Variants in ZNF721 observed in about 807,000 individuals in gnomAD.
ZNF721 encodes the protein zinc finger protein 721.
Under a neutral mutation model 2.4 loss-of-function variants are expected in ZNF721, and 2 were observed. The observed-to-expected ratio is 0.82, with a 90% CI of 0.34 to 2.58. ZNF721 has a LOEUF of 2.58. Among genes scored for constraint, ZNF721 ranks in the 30% most tolerant of loss-of-function variants. The probability of loss-of-function intolerance (pLI) is 0.11; values close to 1 mark genes in which losing one functional copy is unlikely to be tolerated. For missense variants in ZNF721, 1,187 were observed against 1,085.5 expected, an observed-to-expected ratio of 1.09 and a Z score of -1.31; for synonymous variants, 398 against 381.8, an observed-to-expected ratio of 1.04 and a Z score of -0.50.
chr4:488,485 G>A (rs1371954511), intron 1 of ZNF721, among the ~76,000 whole-genome samples: 3 of 152,132 alleles, frequency 2.0e-5, no homozygotes, highest in Admixed American at 6.5e-5. Flanking sequence ...CTGAAGACAT[G>A]GTGGTCTCTC....
intron 2 of ZNF721, among the ~76,000 whole-genome samples, chr4:471,683 TATAATTA>T (rs1304111411): frequency 2.0e-5 from 3 of 152,196 alleles, no homozygotes; most frequent in African/African-American, 7.2e-5. Context: ...GTATTCCATT[TATAATTA>T]ATAATACTGT....
Position 441,578 on chromosome 4 carries a change from G to A in ZNF721, c.*117C>T, listed in dbSNP as rs1714236198. ...TTATGAATTATCTTATGATTAGAAA[G>A]GATTGAGGAGCATTTAAAGACCGCG... On this transcript the variant is annotated 3_prime_UTR_variant, in exon 3 of 3. Transcript: ENST00000511833. The A allele has an allele frequency of 2.5e-6, 2 of 811,886 alleles. No homozygotes were observed. Among genetic ancestry groups the A allele is most frequent in the Non-Finnish European group, 3.8e-6 (2 of 526,542 alleles). 50.3% of individuals were successfully genotyped at this position (811,886 alleles called of 1,614,324 possible).
At chr4:473,908 CCCG>C in intron 1 of ZNF721, 7 of 1,474,390 alleles carry the variant, frequency 4.7e-6, no homozygotes, top group Non-Finnish European at 6.4e-6. Flanking sequence ...CAGACTCAGT[CCCG>C]CCGCCGCCAT....
chr4:453,574 C>T (rs1266200791), intron 2 of ZNF721: 1 of 152,184 alleles, frequency 6.6e-6, no homozygotes, highest in East Asian at 1.9e-4. Context: ...AATGGAATAA[C>T]CTATCTACTA....
chr4:486,914 CA>C (rs1165203817), intron 1 of ZNF721, among the ~76,000 whole-genome samples: 1 of 152,062 alleles, frequency 6.6e-6, no homozygotes, highest in Non-Finnish European at 1.5e-5. Context: ...ATGACATTCT[CA>C]AAAAAATCTT....
rs376159511 is a variant in ZNF721, at chr4:450,957, ATATATATATATATAT to A, written c.35-6540_35-6526del. 3.6e-4 allele frequency among the ~76,000 whole-genome samples: 12 copies of A among 33,632 alleles called. 2 individuals are homozygous for A. Among genetic ancestry groups the A allele is most frequent in the Admixed American group, 1.5e-3 (3 of 2,064 alleles). The allele number at this position is 33,632 out of a possible 152,430, so 22.1% of individuals were successfully genotyped here. The stretch of plus-strand genomic sequence containing the variant: ...GTCTCCAAAAAAAAAAAAAAAAAAA[ATATATATATATATAT>A]ATATATATATATATATATATATATC... On this transcript the variant is annotated intron_variant, in intron 2 of 2. Coordinates refer to ENST00000511833, the MANE Select transcript of ZNF721 (RefSeq NM_133474.4).
At chr4:446,243 ATTAT>A (rs1221247998) in intron 2 of ZNF721, among the ~76,000 whole-genome samples, 5 of 152,240 alleles carry the variant, frequency 3.3e-5, no homozygotes, top group African/African-American at 7.2e-5. Context: ...AAACATTTTA[ATTAT>A]TCTCTAAAAT....
At chr4:497,945 C>T (rs1716315911) in intron 1 of ZNF721, among the ~76,000 whole-genome samples, 1 of 146,578 alleles carries the variant, frequency 6.8e-6, no homozygotes, top group Non-Finnish European at 1.5e-5. Context: ...GTGGCTCATG[C>T]CTGTAAATCC....
intron 2 of ZNF721, among the ~76,000 whole-genome samples, chr4:462,162 C>T (rs944640818): frequency 1.3e-5 from 2 of 152,014 alleles, no homozygotes; most frequent in Non-Finnish European, 2.9e-5. Flanking sequence ...ACAACTGCTA[C>T]AAAAAGAATA....
intron 2 of ZNF721, among the ~76,000 whole-genome samples, chr4:457,455 A>C (rs1218090363): frequency 1.3e-5 from 2 of 152,192 alleles, no homozygotes; most frequent in Non-Finnish European, 2.9e-5. Context: ...AATGTGTCCA[A>C]TTTTCATTGT....
intron 1 of ZNF721, among the ~76,000 whole-genome samples, chr4:495,871 G>A (rs1716139607): frequency 6.6e-6 from 1 of 152,002 alleles, no homozygotes; most frequent in Non-Finnish European, 1.5e-5. Flanking sequence ...CAAAATGCTG[G>A]GATTACAGGC....
intron 1 of ZNF721, among the ~76,000 whole-genome samples, chr4:486,390 C>A (rs2108721367): frequency 6.6e-6 from 1 of 152,256 alleles, no homozygotes; most frequent in South Asian, 2.1e-4. Flanking sequence ...GATCTCCTGA[C>A]CTCATGACCG....
chr4:492,893 A>G (rs1553871702), intron 1 of ZNF721, among the ~76,000 whole-genome samples: 1 of 151,532 alleles, frequency 6.6e-6, no homozygotes, highest in African/African-American at 2.4e-5. Context: ...CCTTTAAATA[A>G]GCTTTGAATT....
At chr4:482,456 C>G (rs1553869681) in intron 1 of ZNF721, among the ~76,000 whole-genome samples, 2 of 152,040 alleles carry the variant, frequency 1.3e-5, no homozygotes, top group Non-Finnish European at 2.9e-5. Context: ...TGAGCCACCG[C>G]GCCCGGCCCA....
At chr4:473,936 G>A (rs781947961) in intron 1 of ZNF721, 12 of 1,502,020 alleles carry the variant, frequency 8.0e-6, no homozygotes, top group South Asian at 1.1e-5. Flanking sequence ...CGCCGGTTCT[G>A]ATGAGGCCTC....
intron 1 of ZNF721, among the ~76,000 whole-genome samples, chr4:483,064 C>T (rs1389054671): frequency 1.3e-5 from 2 of 152,154 alleles, no homozygotes; most frequent in African/African-American, 2.4e-5. Flanking sequence ...GATGCATATA[C>T]ATCTTATCTT....
intron 1 of ZNF721, among the ~76,000 whole-genome samples, chr4:496,728 T>TTTTTC (rs1716164851): frequency 6.9e-6 from 1 of 144,374 alleles, no homozygotes; most frequent in Non-Finnish European, 1.5e-5. Context: ...TTTTTTTTTT[T>TTTTTC]TTTTGAGACG....
chr4:493,089 T>C (rs1230545465), intron 1 of ZNF721, among the ~76,000 whole-genome samples: 2 of 151,922 alleles, frequency 1.3e-5, no homozygotes, highest in Non-Finnish European at 2.9e-5. Context: ...ATTTTAATTG[T>C]TTACCTAGAT....
At chr4:484,096 T>C (rs1388818288) in intron 1 of ZNF721, among the ~76,000 whole-genome samples, 1 of 152,224 alleles carries the variant, frequency 6.6e-6, no homozygotes, top group African/African-American at 2.4e-5. Flanking sequence ...ATTGTGAAGA[T>C]TTTATGGACA....
Sources: allele counts gnomAD v4.1 joint callset (sites outside exome capture counted in the v4.1 genomes callset), GRCh38; gene constraint gnomAD v4.1.1; transcripts MANE v1.5; gene names NCBI Gene and HGNC (gene_info 2026-07-23, HGNC 2026-07-21).